Variants in ITGA3 observed in about 807,000 individuals in gnomAD.
ITGA3 encodes the protein integrin alpha-3.
Under a neutral mutation model 131.1 loss-of-function variants are expected in ITGA3, and 70 were observed. The ratio of observed to expected loss-of-function variants is 0.53; its 90% CI spans 0.44 to 0.65. The LOEUF is 0.65. Ranked by LOEUF, ITGA3 falls within the 30% of genes least tolerant of loss-of-function variation. The pLI, the probability that ITGA3 is intolerant of heterozygous loss-of-function variation, is 0.00. For synonymous variants in ITGA3, 537 were observed against 571.6 expected (o/e 0.94, Z 0.86); for missense variants, 1,098 against 1,388.6 (o/e 0.79, Z 3.33).
chr17:50,077,181 A>G (rs1908956543), intron 15 of ITGA3, 60 bp downstream of exon 15: 1 of 1,479,614 alleles, frequency 6.8e-7, no homozygotes, highest in Non-Finnish European at 9.1e-7. Context: ...TTGCATCCCC[A>G]TATCCATGTC....
chr17:50,073,781 C>A (rs1908744111), intron 7 of ITGA3, 135 bp from the exon 8 acceptor site: 1 of 679,436 alleles, frequency 1.5e-6, no homozygotes, highest in East Asian at 2.5e-5. Context: ...CTGCTCTGTC[C>A]CTGATGCTCT....
intron 24 of ITGA3, 29 bp downstream of exon 24, chr17:50,087,898 G>T: frequency 6.5e-7 from 1 of 1,532,430 alleles, no homozygotes; most frequent in Non-Finnish European, 8.8e-7. Context: ...TCCTGCTCCG[G>T]GACCTCCACC....
chr17:50,064,732 T>C lies in ITGA3; in HGVS notation c.414+125T>C. On this transcript the variant is annotated intron_variant, in intron 3 of 25. Transcript: ENST00000320031. The surrounding 1 kb of genome is among the most constrained non-coding windows in gnomAD (Gnocchi z 4.4). ...GCGTGTGTGCTGGGGCCTGCACACA[T>C]GTCCCTTCCTGTGGCTGTGTGTCCC... The C allele has an allele frequency of 1.5e-6, 1 of 675,190 alleles. No homozygotes were observed. Among genetic ancestry groups the C allele is most frequent in the Non-Finnish European group, 2.5e-6 (1 of 399,140 alleles). The allele number at this position is 675,190 out of a possible 1,614,324, so 41.8% of individuals were successfully genotyped here. A position where few individuals can be genotyped will look rare whatever the true frequency, so the allele number is the denominator to read the frequency against.
chr17:50,058,541 T>C (rs1907935334), intron 1 of ITGA3, among the ~76,000 whole-genome samples: 1 of 152,086 alleles, frequency 6.6e-6, no homozygotes, highest in African/African-American at 2.4e-5. Context: ...AGCAAAGGGG[T>C]TCTACTTTTC....
chr17:50,077,055 G>C lies in ITGA3; in HGVS notation c.2004G>C (p.Glu668Asp), dbSNP rs749579801. The C allele has an allele frequency of 2.9e-5, 46 of 1,604,852 alleles. No homozygotes were observed. The highest frequency in any genetic ancestry group is 3.7e-5 in the Non-Finnish European group (44 of 1,175,162). ...CCCGGACCTCGGAGCGCTCCGGGGA[G>C]GACGCCCACGAGGCGCTGCTCACCC... ...TNTRTSERSGEDAHEALLTLV... is the reference protein window; with the variant it reads ...TNTRTSERSGDDAHEALLTLV... The change falls in exon 15 of 26, where the codon GAG becomes GAC. Residue 668 changes from glutamate (E) to aspartate (D), a missense_variant. By Grantham distance (45) the Glu-to-Asp change is conservative (BLOSUM62 2). Transcript: ENST00000320031.
chr17:50,078,909 C>A lies in ITGA3; in HGVS notation c.2383C>A (p.Leu795Ile), dbSNP rs765695966. ...AACTGTGGAGGATGTAGGAAGCCCC[C>A]TCAAGTATGAATTCCAGGTAAGGGG... Reference protein sequence around the residue: ...MKTVEDVGSPLKYEFQVGPMG... With the variant: ...MKTVEDVGSPIKYEFQVGPMG... Residue 795 changes from leucine to isoleucine, a missense_variant, in exon 19 of 26, where the codon CTC (leucine) becomes ATC (isoleucine). Coordinates refer to ENST00000320031, the MANE Select transcript of ITGA3 (RefSeq NM_002204.4). 6.2e-7 allele frequency: 1 copy of A among 1,608,566 alleles called. No homozygotes were observed. Among genetic ancestry groups the A allele is most frequent in the Non-Finnish European group, 8.5e-7 (1 of 1,174,962 alleles).
intron 1 of ITGA3, among the ~76,000 whole-genome samples, chr17:50,060,275 A>G (rs1908016376): frequency 6.6e-6 from 1 of 152,196 alleles, no homozygotes; most frequent in Non-Finnish European, 1.5e-5. Context: ...GAATCCTCCC[A>G]TGGAGCCACC....
At chr17:50,068,356 C>A in intron 4 of ITGA3, 51 bp downstream of exon 4, 1 of 1,594,508 alleles carries the variant, frequency 6.3e-7, no homozygotes, top group Non-Finnish European at 8.5e-7. Context: ...AGACCACCCA[C>A]CCCTAGTTAG....
intron 23 of ITGA3, chr17:50,086,335 A>G (rs1015241608): frequency 1.4e-5 from 2 of 145,254 alleles, no homozygotes; most frequent in Non-Finnish European, 3.0e-5. Context: ...TCTTTATATC[A>G]TCTGTATTTT....
In ITGA3 at chr17:50,061,127, TG is replaced by T. The variant is rs1035417702; in HGVS notation, c.207-2943del. The stretch of plus-strand genomic sequence containing the variant: ...GGCCAAGTGGAAGCTAAAAATACTC[TG>T]GGGGGGTGAAGCGGGGGCTCACTCT... On this transcript the variant is annotated intron_variant, in intron 1 of 25. Transcript: ENST00000320031. Among the ~76,000 whole-genome samples the T allele has an allele frequency of 3.4e-4, 52 of 151,372 alleles. 1 individual carries two copies. The highest frequency in any genetic ancestry group is 7.2e-4 in the Non-Finnish European group (49 of 67,784).
intron 7 of ITGA3, 81 bp downstream of exon 7, chr17:50,072,263 C>A: frequency 7.6e-7 from 1 of 1,308,430 alleles, no homozygotes; most frequent in Non-Finnish European, 1.1e-6. Context: ...GCACCAGCTG[C>A]ACATCAGGCT....
intron 21 of ITGA3, 53 bp downstream of exon 21, chr17:50,079,610 G>A (rs2144305598): frequency 1.3e-5 from 19 of 1,460,574 alleles, no homozygotes; most frequent in South Asian, 3.2e-5. Context: ...ATCACAGGGT[G>A]CCTGGGCACC....
At position 50,075,643 on chromosome 17, in the gene ITGA3, C is replaced by T. The variant is rs753858275; in HGVS notation, c.1582C>T (p.Arg528Trp). 6.8e-6 allele frequency: 11 copies of T among 1,614,076 alleles called. No individual in the cohort carries two copies. The highest frequency in any genetic ancestry group is 2.2e-5 in the East Asian group (1 of 44,890). Reference sequence around the variant, plus strand: ...GGCTGACAGGGACCGCCGGCCGCCCCGGCTCCGCTTTGCCGGCAGTGAGTC... The same window carrying T: ...GGCTGACAGGGACCGCCGGCCGCCCTGGCTCCGCTTTGCCGGCAGTGAGTC... ...LEADRDRRPP[R>W]LRFAGSESAV... Residue 528 changes from arginine to tryptophan, a missense_variant, in exon 12 of 26, where the codon CGG becomes TGG. By Grantham distance (101) the Arg-to-Trp change is moderately radical. Coordinates refer to ENST00000320031, the MANE Select transcript of ITGA3 (RefSeq NM_002204.4).
chr17:50,081,208 T>C, intron 22 of ITGA3, 102 bp from the exon 23 acceptor site: 2 of 689,868 alleles, frequency 2.9e-6, no homozygotes, highest in Non-Finnish European at 5.1e-6. Flanking sequence ...TGTTTAAGGA[T>C]GCTACTTGGT....
chr17:50,068,683 G>A (rs1598184678), intron 4 of ITGA3, among the ~76,000 whole-genome samples: 2 of 151,870 alleles, frequency 1.3e-5, no homozygotes, highest in South Asian at 2.1e-4. Flanking sequence ...TGTATTTTTT[G>A]TAGAGATGGA....
At chr17:50,088,408 G>A (rs1014593017) in intron 25 of ITGA3, 42 bp downstream of exon 25, 6 of 1,101,656 alleles carry the variant, frequency 5.4e-6, no homozygotes, top group Non-Finnish European at 8.1e-6. Context: ...CCCCACAGCT[G>A]GCCGGGCCTC....
At chr17:50,081,490 A>G (rs1909185232) in intron 23 of ITGA3, 82 bp downstream of exon 23, 1 of 1,004,928 alleles carries the variant, frequency 1.0e-6, no homozygotes, top group East Asian at 2.6e-5. Context: ...ACACTGACGC[A>G]CTTCAGCCAT....
chr17:50,057,232 A>G (rs935707672), intron 1 of ITGA3, among the ~76,000 whole-genome samples: 6 of 152,110 alleles, frequency 3.9e-5, no homozygotes, highest in Non-Finnish European at 5.9e-5. Context: ...GGGCGGTGAA[A>G]GAGAGAGGAG....
chr17:50,074,674 C>G, intron 10 of ITGA3, 140 bp downstream of exon 10: 1 of 646,452 alleles, frequency 1.5e-6, no homozygotes, highest in Non-Finnish European at 2.7e-6. Flanking sequence ...GCCCTCTCTA[C>G]CCAACCTCAT....
Sources: gnomAD v4.1 joint callset for allele counts (sites outside exome capture counted in the v4.1 genomes callset) on GRCh38, gnomAD v4.1.1 for gene constraint, Gnocchi (gnomAD v3.1) non-coding constraint, MANE v1.5 for transcripts, NCBI Gene and HGNC (gene_info 2026-07-23, HGNC 2026-07-21) for gene names.